The following EIF3L variants were observed in gnomAD, a reference collection of about 807,000 sequenced individuals.
EIF3L encodes the protein eIEF associated protein HSPC021.
In EIF3L, 32 loss-of-function variants were observed where a neutral mutation model predicts 74.6. That is an observed-to-expected ratio of 0.43 (90% confidence interval 0.32 to 0.58). EIF3L has a LOEUF of 0.58. EIF3L is among the 20% of genes least tolerant of loss of function. EIF3L has a pLI of 0.06. For missense variants in EIF3L, 474 were observed against 707.8 expected, an observed-to-expected ratio of 0.67 and a Z score of 3.75; for synonymous variants, 256 against 254.4, an observed-to-expected ratio of 1.01 and a Z score of -0.06.
chr22:37,869,055 G>A (rs1354789617), intron 7 of EIF3L, among the ~76,000 whole-genome samples: 3 of 152,056 alleles, frequency 2.0e-5, no homozygotes, highest in Non-Finnish European at 4.4e-5. Flanking sequence ...GATTATAGGC[G>A]TGAGCCACCG....
chr22:37,872,392 G>A (rs1926523955), intron 8 of EIF3L, among the ~76,000 whole-genome samples: 1 of 151,936 alleles, frequency 6.6e-6, no homozygotes, highest in African/African-American at 2.4e-5. Flanking sequence ...CCAAAGTGCT[G>A]GGGTTACATG....
intron 1 of EIF3L, 108 bp from the exon 2 acceptor site, chr22:37,849,906 CT>C (rs1402096478): frequency 1.6e-6 from 2 of 1,216,828 alleles, no homozygotes; most frequent in Non-Finnish European, 2.4e-6. Context: ...GGCACAGTGT[CT>C]TATTCGCCTC....
intron 7 of EIF3L, among the ~76,000 whole-genome samples, chr22:37,868,110 A>ATTTTTTTTTTTTTTTTT (rs545183532): frequency 1.1e-5 from 1 of 92,686 alleles, no homozygotes; most frequent in African/African-American, 4.5e-5. Context: ...TCTTTGTAGG[A>ATTTTTTTTTTTTTTTTT]TTTTTTTTTT....
chr22:37,884,901 CTTTTTTTTTTTTTTTT>C, intron 11 of EIF3L: 1 of 36,062 alleles, frequency 2.8e-5, no homozygotes, highest in South Asian at 1.8e-3. Context: ...CATGTCAAGC[CTTTTTTTTTTTTTTTT>C]TTTTTTTTTT....
At chr22:37,853,887 C>G (rs1925359601) in intron 3 of EIF3L, among the ~76,000 whole-genome samples, 1 of 151,974 alleles carries the variant, frequency 6.6e-6, no homozygotes, top group Non-Finnish European at 1.5e-5. Context: ...TAGAGTAATT[C>G]CAAATAGACC....
chr22:37,871,459 G>A (rs181644266), intron 8 of EIF3L, among the ~76,000 whole-genome samples: 1 of 152,220 alleles, frequency 6.6e-6, no homozygotes, highest in African/African-American at 2.4e-5. Flanking sequence ...TCAGAACTTC[G>A]TCTCATGCAC....
At chr22:37,873,087 C>A (rs1926559910) in intron 8 of EIF3L, among the ~76,000 whole-genome samples, 1 of 151,680 alleles carries the variant, frequency 6.6e-6, no homozygotes, top group South Asian at 2.1e-4. Context: ...CTCCCAAGTT[C>A]AAGCAATTCT....
At chr22:37,853,033 CG>C (rs2145796275) in intron 3 of EIF3L, among the ~76,000 whole-genome samples, 1 of 152,212 alleles carries the variant, frequency 6.6e-6, no homozygotes, top group East Asian at 1.9e-4. Context: ...ATGATGAATC[CG>C]TATCTGTACA....
chr22:37,860,615 C>T (rs577589076), intron 5 of EIF3L, among the ~76,000 whole-genome samples: 1 of 152,284 alleles, frequency 6.6e-6, no homozygotes, highest in Non-Finnish European at 1.5e-5. Context: ...TCAGGTAATC[C>T]GCCCGCCTCG....
Position 37,857,406 on chromosome 22 carries a change from C to T in EIF3L, c.374-1273C>T. 1.3e-5 allele frequency among the ~76,000 whole-genome samples: 2 copies of T among 150,596 alleles called. 1 individual carries two copies. The highest frequency in any genetic ancestry group is 1.3e-4 in the Admixed American group (2 of 15,092). On this transcript the variant is annotated intron_variant, in intron 4 of 12. Transcript: ENST00000652021. ...AAAAAAAAAAAACCAATATTAAGTCCTCCAATCTATGGACATGGGATGTCT... is the reference window on the plus strand; with the variant it reads ...AAAAAAAAAAAACCAATATTAAGTCTTCCAATCTATGGACATGGGATGTCT...
chr22:37,864,791 G>C (rs542070552), intron 7 of EIF3L, among the ~76,000 whole-genome samples: 1 of 152,016 alleles, frequency 6.6e-6, no homozygotes, highest in Non-Finnish European at 1.5e-5. Context: ...CGCCCTCCTT[G>C]GCCTCCCAAA....
chr22:37,850,203 G>T (rs1925111681), intron 2 of EIF3L, 140 bp downstream of exon 2: 1 of 869,570 alleles, frequency 1.1e-6, no homozygotes, highest in Non-Finnish European at 1.9e-6. Flanking sequence ...CAGTGCGAGG[G>T]GTTTTATAAA....
chr22:37,872,404 A>C (rs1433563205), intron 8 of EIF3L, among the ~76,000 whole-genome samples: 1 of 152,078 alleles, frequency 6.6e-6, no homozygotes, highest in Admixed American at 6.6e-5. Context: ...GGTTACATGC[A>C]TGAGCCACTG....
At chr22:37,853,328 G>A (rs963589525) in intron 3 of EIF3L, among the ~76,000 whole-genome samples, 2 of 152,222 alleles carry the variant, frequency 1.3e-5, no homozygotes, top group African/African-American at 4.8e-5. Context: ...AGGAGTGAAA[G>A]TTTATTAAAA....
intron 3 of EIF3L, among the ~76,000 whole-genome samples, chr22:37,854,473 T>G (rs1425563290): frequency 6.6e-6 from 1 of 152,074 alleles, no homozygotes; most frequent in African/African-American, 2.4e-5. Context: ...CTGTTTTTGT[T>G]TTTTGTTTTT....
intron 9 of EIF3L, 62 bp from the exon 10 acceptor site, chr22:37,875,779 A>C (rs1002466273): frequency 6.6e-7 from 1 of 1,514,956 alleles, no homozygotes; most frequent in Non-Finnish European, 9.0e-7. Flanking sequence ...TGGTGTTTCT[A>C]CCTCTGGTTC....
At position 37,863,011 on chromosome 22, in the gene EIF3L, T is replaced by C; in HGVS notation, c.478T>C (p.Tyr160His). 6.2e-7 allele frequency: 1 copy of C among 1,613,680 alleles called. No individual in the cohort carries two copies. Among genetic ancestry groups the C allele is most frequent in the Non-Finnish European group, 8.5e-7 (1 of 1,179,866 alleles). Reference sequence around the variant, plus strand: ...GCAGAGGTTTGAATCCTATTACAACTACTGCAATCTCTTCAACTACATTCT... The same window carrying C: ...GCAGAGGTTTGAATCCTATTACAACCACTGCAATCTCTTCAACTACATTCT... ...LEQRFESYYNYCNLFNYILNA... is the reference protein window; with the variant it reads ...LEQRFESYYNHCNLFNYILNA... Residue 160 changes from tyrosine to histidine, a missense_variant, in exon 6 of 13, where the codon TAC (tyrosine) becomes CAC (histidine). Physicochemically the swap from Tyr to His is moderately conservative, Grantham distance 83 (BLOSUM62 2). Coordinates refer to ENST00000652021, the MANE Select transcript of EIF3L (RefSeq NM_016091.4).
chr22:37,879,849 G>T (rs1175408098), intron 11 of EIF3L: 3 of 151,144 alleles, frequency 2.0e-5, no homozygotes, highest in African/African-American at 7.3e-5. Flanking sequence ...GTCCAGGCTG[G>T]AGTGCAGTGG....
chr22:37,864,492 G>A (rs1926035681), intron 7 of EIF3L, among the ~76,000 whole-genome samples: 2 of 151,068 alleles, frequency 1.3e-5, no homozygotes, highest in South Asian at 2.1e-4. Context: ...TACAGCAGCT[G>A]TGTAGCCTGG....
Sources: allele counts gnomAD v4.1 joint callset (sites outside exome capture counted in the v4.1 genomes callset), GRCh38; gene constraint gnomAD v4.1.1; transcripts MANE v1.5; gene names NCBI Gene and HGNC (gene_info 2026-07-23, HGNC 2026-07-21).